MDN1: variants seen among roughly 807,000 people sequenced by gnomAD.
MDN1 encodes the protein midasin.
In MDN1, 266 loss-of-function variants were observed where a neutral mutation model predicts 669.2. The ratio of observed to expected loss-of-function variants is 0.40; its 90% CI spans 0.36 to 0.44. The LOEUF (loss-of-function observed/expected upper bound fraction) is 0.44. Ranked by LOEUF, MDN1 falls within the 20% of genes least tolerant of loss-of-function variation. The pLI is 1.00. For synonymous variants in MDN1, 2,385 were observed against 2,457.1 expected (o/e 0.97, Z 0.87); for missense variants, 5,940 against 6,754.0 (o/e 0.88, Z 4.22).
chr6:89,658,576 T>A (rs970539914), intron 89 of MDN1, 34 bp downstream of exon 89: 1 of 1,579,120 alleles, frequency 6.3e-7, no homozygotes, highest in Non-Finnish European at 8.6e-7. Flanking sequence ...TTCCTCATTA[T>A]TTTTAACATA....
chr6:89,717,394 C>G (rs1276064706), intron 43 of MDN1, among the ~76,000 whole-genome samples: 1 of 152,156 alleles, frequency 6.6e-6, no homozygotes, highest in Non-Finnish European at 1.5e-5. Context: ...ATACCATAGT[C>G]CAACCACTTG....
intron 59 of MDN1, among the ~76,000 whole-genome samples, chr6:89,698,395 A>T (rs973756759): frequency 6.6e-6 from 1 of 152,260 alleles, no homozygotes; most frequent in South Asian, 2.1e-4. Context: ...AAGTGATTAA[A>T]ATAAATTCAA....
chr6:89,723,220 A>T (rs1814965792), intron 39 of MDN1, 77 bp from the exon 40 acceptor site: 1 of 1,384,408 alleles, frequency 7.2e-7, no homozygotes, highest in South Asian at 1.3e-5. Flanking sequence ...GGAATGTACT[A>T]CAAAAGCATA....
rs529561852 is a variant in MDN1, at chr6:89,819,362, G to C, written c.102+144C>G. 1,240 of 758,386 alleles carry C rather than the reference G, an allele frequency of 1.6e-3. 2 individuals are homozygous for C. Among genetic ancestry groups the C allele is most frequent in the Non-Finnish European group, 2.4e-3 (1,066 of 452,532 alleles). The allele number at this position is 758,386 out of a possible 1,614,324, so 47.0% of individuals were successfully genotyped here. A position where few individuals can be genotyped will look rare whatever the true frequency, so the allele number is the denominator to read the frequency against. On this transcript the variant is annotated intron_variant, in intron 1 of 101. Coordinates refer to ENST00000369393, the MANE Select transcript of MDN1 (RefSeq NM_014611.3). ...ACGCTCGGAAACCTCCACGACCTGC[G>C]CCAGCCCACAGGAGGGGGCCAGCTT...
At chr6:89,817,094 C>T (rs1038720240) in intron 1 of MDN1, among the ~76,000 whole-genome samples, 1 of 152,152 alleles carries the variant, frequency 6.6e-6, no homozygotes, top group East Asian at 1.9e-4. Context: ...AGACCGCCCC[C>T]CTCACCCTTC....
chr6:89,701,850 T>TC, intron 54 of MDN1, 54 bp downstream of exon 54: 1 of 1,565,428 alleles, frequency 6.4e-7, no homozygotes, highest in Non-Finnish European at 8.6e-7. Flanking sequence ...CCAAATCTTA[T>TC]CCTTAACATC....
chr6:89,800,031 CT>C (rs1453222577), intron 2 of MDN1, among the ~76,000 whole-genome samples: 2 of 151,988 alleles, frequency 1.3e-5, no homozygotes, highest in African/African-American at 4.8e-5. Context: ...TTCAGCCCAA[CT>C]GCCAGAGAGG....
intron 75 of MDN1, among the ~76,000 whole-genome samples, chr6:89,678,166 G>A (rs1811355025): frequency 6.6e-6 from 1 of 152,050 alleles, no homozygotes; most frequent in African/African-American, 2.4e-5. Context: ...CAGCTACTTG[G>A]GAGGCTGAGG....
rs118055551 is a variant in MDN1 at position 89,716,567 on chromosome 6, C to A, written c.6743+83G>T. 4,331 of 1,449,460 alleles carry A rather than the reference C, an allele frequency of 3.0e-3. 153 individuals are homozygous for A. In the Admixed American group the frequency reaches 0.062, roughly 21 times the overall value. The allele number at this position is 1,449,460 out of a possible 1,614,324, so 89.8% of individuals were successfully genotyped here. A position where few individuals can be genotyped will look rare whatever the true frequency, so the allele number is the denominator to read the frequency against. On this transcript the variant is annotated intron_variant, in intron 44 of 101. Coordinates refer to ENST00000369393, the MANE Select transcript of MDN1 (RefSeq NM_014611.3). ...TAAGAAAAACAGTAGCTTCAAAATACCAGCACTTCTATCTGGGTTTCTACT... is the reference window on the plus strand; with the variant it reads ...TAAGAAAAACAGTAGCTTCAAAATAACAGCACTTCTATCTGGGTTTCTACT...
At chr6:89,704,605 T>C (rs1350717225) in intron 53 of MDN1, among the ~76,000 whole-genome samples, 1 of 152,174 alleles carries the variant, frequency 6.6e-6, no homozygotes, top group African/African-American at 2.4e-5. Flanking sequence ...TTTCTTTTTT[T>C]AGATGGAGTG....
intron 2 of MDN1, among the ~76,000 whole-genome samples, chr6:89,802,558 G>A (rs1008501384): frequency 4.6e-5 from 7 of 151,874 alleles, no homozygotes; most frequent in South Asian, 2.1e-4. Context: ...TGGTGTGCGC[G>A]CCTGTAGTCC....
chr6:89,648,399 T>C lies in MDN1; in HGVS notation c.16207-70A>G. 9 of 1,447,606 alleles carry C rather than the reference T, an allele frequency of 6.2e-6. No homozygotes were observed. In the East Asian group the frequency reaches 1.6e-4, roughly 26 times the overall value. 89.7% of individuals were successfully genotyped at this position (1,447,606 alleles called of 1,614,324 possible). A position where few individuals can be genotyped will look rare whatever the true frequency, so the allele number is the denominator to read the frequency against. ...TAAACCAGAGCCTCTCAACTATTTT[T>C]TGCATCAAGATTCCCAAAGAAAACA... On this transcript the variant is annotated intron_variant, in intron 97 of 101. Coordinates refer to ENST00000369393, the MANE Select transcript of MDN1 (RefSeq NM_014611.3).
At chr6:89,800,957 T>A (rs1461364398) in intron 2 of MDN1, among the ~76,000 whole-genome samples, 1 of 152,230 alleles carries the variant, frequency 6.6e-6, no homozygotes, top group Non-Finnish European at 1.5e-5. Context: ...TGAAGTGTTC[T>A]GCAAATGTAG....
intron 60 of MDN1, 103 bp from the exon 61 acceptor site, chr6:89,696,095 G>A: frequency 7.1e-7 from 1 of 1,417,934 alleles, no homozygotes; most frequent in Admixed American, 2.2e-5. Flanking sequence ...ACAGAATGCA[G>A]CATCAATATG....
intron 7 of MDN1, among the ~76,000 whole-genome samples, chr6:89,788,240 G>A (rs2128326018): frequency 6.6e-6 from 1 of 152,298 alleles, no homozygotes; most frequent in East Asian, 1.9e-4. Flanking sequence ...GCTGATGGGA[G>A]AGGGCAGGCA....
At chr6:89,734,743 G>A (rs1327268962) in intron 33 of MDN1, among the ~76,000 whole-genome samples, 3 of 148,914 alleles carry the variant, frequency 2.0e-5, no homozygotes, top group Admixed American at 1.4e-4. Context: ...ACTGTGGCAT[G>A]CAGGCACATT....
rs150968259 is a variant in MDN1 at position 89,724,368 on chromosome 6, C to T, written c.5671-749G>A. 5.8e-3 allele frequency among the ~76,000 whole-genome samples: 875 copies of T among 151,944 alleles called. 10 individuals carry two copies. Among genetic ancestry groups the T allele is most frequent in the African/African-American group, 0.02 (837 of 41,442 alleles). On this transcript the variant is annotated intron_variant, in intron 38 of 101. Coordinates refer to ENST00000369393, the MANE Select transcript of MDN1 (RefSeq NM_014611.3). ...CGCGATCTCAGCTCACTGCAACCTC[C>T]GCCTCCCGGGTTCAAGAGATTCTGC...
At chr6:89,792,772 G>A (rs965397556) in intron 5 of MDN1, among the ~76,000 whole-genome samples, 1 of 151,962 alleles carries the variant, frequency 6.6e-6, no homozygotes, top group South Asian at 2.1e-4. Flanking sequence ...TGGCCTGGGT[G>A]TAGTGGCTCA....
Position 89,719,209 on chromosome 6 carries a change from T to C in MDN1, c.5984A>G (p.Lys1995Arg). 2 of 1,613,400 alleles carry C rather than the reference T, an allele frequency of 1.2e-6. No homozygotes were observed. The highest frequency in any genetic ancestry group is 1.7e-5 in the Admixed American group (1 of 60,032). Reference protein sequence around the residue: ...EDKKKVIAVFKDVFGSNSNPY... With the variant: ...EDKKKVIAVFRDVFGSNSNPY... ...GTTGGAATTTGAACCAAACACATCC[T>C]TGAATACAGCAATGACCTAAAGGAA... Residue 1995 changes from lysine to arginine, a missense_variant, in exon 41 of 102, where the codon AAG (lysine) becomes AGG (arginine). Coordinates refer to ENST00000369393, the MANE Select transcript of MDN1 (RefSeq NM_014611.3).
Sources: gnomAD v4.1 joint callset for allele counts (sites outside exome capture counted in the v4.1 genomes callset) on GRCh38, gnomAD v4.1.1 for gene constraint, MANE v1.5 for transcripts, NCBI Gene and HGNC (gene_info 2026-07-23, HGNC 2026-07-21) for gene names.